The following KCNN2 variants were observed in gnomAD, a reference collection of about 807,000 sequenced individuals.
The protein encoded by KCNN2 is small conductance calcium-activated potassium channel protein 2.
Under a neutral mutation model 55.5 loss-of-function variants are expected in KCNN2, and 24 were observed. That is an observed-to-expected ratio of 0.43 (90% CI 0.31 to 0.61). KCNN2 has a LOEUF of 0.61. Among genes scored for constraint, KCNN2 ranks in the 20% least tolerant of loss-of-function variants. The probability of loss-of-function intolerance (pLI) is 0.08; values close to 1 mark genes in which losing one functional copy is unlikely to be tolerated. For synonymous variants in KCNN2, 431 were observed against 336.1 expected (o/e 1.28, Z -3.09); for missense variants, 754 against 853.6 (o/e 0.88, Z 1.45).
intron 1 of KCNN2, among the ~76,000 whole-genome samples, chr5:114,156,974 G>T (rs10043950): frequency 0.39 from 58,432 of 151,404 alleles, 11,581 homozygotes; most frequent in East Asian, 0.72. Context: ...GGATTTTACT[G>T]GAAATGCACT....
At chr5:114,164,241 A>C (rs768099081) in intron 1 of KCNN2, among the ~76,000 whole-genome samples, 3 of 152,158 alleles carry the variant, frequency 2.0e-5, no homozygotes, top group Non-Finnish European at 4.4e-5. Flanking sequence ...TCTATTTTTA[A>C]TGTGCATTAG....
intron 1 of KCNN2, among the ~76,000 whole-genome samples, chr5:114,182,910 A>C (rs1184788431): frequency 6.6e-6 from 1 of 152,084 alleles, no homozygotes; most frequent in African/African-American, 2.4e-5. Context: ...GTTGAATAGA[A>C]GTTTTGAGAG....
In KCNN2 at chr5:114,162,375, A is replaced by G. The variant is rs141646531; in HGVS notation, c.-270-59105A>G. ...TGTTGCTTTGGAAGTTTTGTCTCAG[A>G]GGAGTACCCGGCCGTTTGAGGTGTC... On this transcript the variant is annotated intron_variant, in intron 1 of 10. Coordinates refer to the KCNN2 transcript ENST00000512097. 1.8e-3 allele frequency among the ~76,000 whole-genome samples: 279 copies of G among 152,218 alleles called. 1 individual carries two copies. The highest frequency in any genetic ancestry group is 6.5e-3 in the African/African-American group (272 of 41,544).
At chr5:114,332,856 C>T (rs528645330) in intron 2 of KCNN2, among the ~76,000 whole-genome samples, 1 of 152,298 alleles carries the variant, frequency 6.6e-6, no homozygotes, top group Admixed American at 6.5e-5. Context: ...TATTCAAATG[C>T]TACTCATTTT....
chr5:114,220,078 AG>A (rs1754100376), intron 1 of KCNN2, among the ~76,000 whole-genome samples: 2 of 152,292 alleles, frequency 1.3e-5, no homozygotes, highest in African/African-American at 4.8e-5. Flanking sequence ...TTAGGCCTAC[AG>A]GTCATATAGT....
At chr5:114,343,923 C>G (rs1428468417) in intron 2 of KCNN2, among the ~76,000 whole-genome samples, 3 of 152,170 alleles carry the variant, frequency 2.0e-5, no homozygotes, top group Non-Finnish European at 4.4e-5. Flanking sequence ...ATTTTCTCTT[C>G]CTCGCCTATA....
chr5:114,368,912 A>G (rs1323696616), intron 2 of KCNN2, among the ~76,000 whole-genome samples: 1 of 151,918 alleles, frequency 6.6e-6, no homozygotes, highest in Non-Finnish European at 1.5e-5. Flanking sequence ...CTATGGATGT[A>G]CTGTGGTTTA....
At chr5:114,100,497 T>C (rs1446928063) in intron 1 of KCNN2, among the ~76,000 whole-genome samples, 1 of 152,104 alleles carries the variant, frequency 6.6e-6, no homozygotes, top group African/African-American at 2.4e-5. Context: ...CTGCAGAGAA[T>C]GCAGAAACAA....
chr5:114,187,817 CTTTTTTTTT>C (rs1289521116), intron 1 of KCNN2, among the ~76,000 whole-genome samples: 3 of 131,310 alleles, frequency 2.3e-5, no homozygotes, highest in East Asian at 2.5e-4. Context: ...CCTTTTTTTT[CTTTTTTTTT>C]TTTTTTGAGA....
At position 114,343,747 on chromosome 5, in the gene KCNN2, A is replaced by G. The variant is rs78433194; in HGVS notation, c.-184-17198A>G. ...AACAGCAGGGTGTGGTGAGGGAATG[A>G]GTGGTACAATCCTAAAGACAACAGT... On this transcript the variant is annotated intron_variant, in intron 2 of 10. Transcript: ENST00000512097. Among the ~76,000 whole-genome samples, 558 of 152,200 alleles carry G rather than the reference A, an allele frequency of 3.7e-3. 6 individuals are homozygous for G. Among genetic ancestry groups the G allele is most frequent in the African/African-American group, 0.013 (525 of 41,530 alleles).
chr5:114,449,908 A>ACACACACACACACACG (rs1309590184), intron 3 of KCNN2, among the ~76,000 whole-genome samples: 2 of 66,120 alleles, frequency 3.0e-5, no homozygotes, highest in African/African-American at 7.0e-5. Flanking sequence ...ACACACACAC[A>ACACACACACACACACG]CGCGCGCGCT....
At chr5:114,119,878 C>T (rs1751791111) in intron 1 of KCNN2, among the ~76,000 whole-genome samples, 1 of 152,138 alleles carries the variant, frequency 6.6e-6, no homozygotes, top group Admixed American at 6.5e-5. Context: ...CTTACTATGT[C>T]TTGGTGTCTC....
intron 2 of KCNN2, among the ~76,000 whole-genome samples, chr5:114,354,573 A>G (rs998152317): frequency 6.6e-6 from 1 of 152,124 alleles, no homozygotes; most frequent in African/African-American, 2.4e-5. Context: ...CACTGGTTGA[A>G]ACACTGATGA....
At chr5:114,379,136 C>G (rs1465778126) in intron 2 of KCNN2, among the ~76,000 whole-genome samples, 1 of 151,988 alleles carries the variant, frequency 6.6e-6, no homozygotes, top group Non-Finnish European at 1.5e-5. Context: ...CTTGTCATTC[C>G]TCTTAGACCT....
chr5:114,278,887 C>G (rs1755556216), intron 2 of KCNN2, among the ~76,000 whole-genome samples: 1 of 152,158 alleles, frequency 6.6e-6, no homozygotes, highest in Non-Finnish European at 1.5e-5. Context: ...CACTGTCCAA[C>G]CAGACTCAAT....
chr5:114,330,380 G>T (rs537531856), intron 2 of KCNN2, among the ~76,000 whole-genome samples: 22 of 152,230 alleles, frequency 1.4e-4, no homozygotes, highest in Non-Finnish European at 3.1e-4. Context: ...GACCATTTTT[G>T]AATCCCTAGC....
intron 3 of KCNN2, among the ~76,000 whole-genome samples, chr5:114,411,672 G>T (rs1191371519): frequency 6.6e-6 from 1 of 152,152 alleles, no homozygotes; most frequent in Non-Finnish European, 1.5e-5. Flanking sequence ...GAGAGAGAGA[G>T]GGGGCGGGAG....
Position 114,343,513 on chromosome 5 carries a change from A to G in KCNN2, c.-184-17432A>G, listed in dbSNP as rs180779578. On this transcript the variant is annotated intron_variant, in intron 2 of 10. Transcript: ENST00000512097. ...ATTTTAGGTGCAGGTAAGATCCTCA[A>G]ATTTTCCATAAAAAATAATACATAC... Among the ~76,000 whole-genome samples, 29 of 152,296 alleles carry G rather than the reference A, an allele frequency of 1.9e-4. No homozygotes were observed. In the East Asian group the frequency reaches 5.4e-3, roughly 28 times the overall value.
intron 1 of KCNN2, among the ~76,000 whole-genome samples, chr5:114,219,667 G>A (rs1338073586): frequency 6.6e-6 from 1 of 152,058 alleles, no homozygotes; most frequent in African/African-American, 2.4e-5. Context: ...TAACATTCAA[G>A]CAGGAAATCA....
Sources: gnomAD v4.1 joint callset for allele counts (sites outside exome capture counted in the v4.1 genomes callset) on GRCh38, gnomAD v4.1.1 for gene constraint, MANE v1.5 for transcripts, NCBI Gene and HGNC (gene_info 2026-07-23, HGNC 2026-07-21) for gene names.